ANKS1A: variants seen among roughly 807,000 people sequenced by gnomAD.
The protein encoded by ANKS1A is ankyrin repeat and sterile alpha motif domain containing 1A, also known as ankyrin repeat and SAM domain-containing protein 1A.
In ANKS1A, 55 loss-of-function variants were observed where a neutral mutation model predicts 120.3. The observed-to-expected ratio is 0.46, with a 90% confidence interval of 0.37 to 0.57. The LOEUF is 0.57. Ranked by LOEUF, ANKS1A falls within the 20% of genes least tolerant of loss-of-function variation. ANKS1A has a pLI of 0.00. For synonymous variants in ANKS1A, 590 were observed against 604.7 expected, an observed-to-expected ratio of 0.98 and a Z score of 0.36; for missense variants, 1,123 against 1,480.3, an observed-to-expected ratio of 0.76 and a Z score of 3.96.
chr6:34,925,933 G>T (rs1466944074), intron 1 of ANKS1A, among the ~76,000 whole-genome samples: 1 of 152,148 alleles, frequency 6.6e-6, no homozygotes, highest in East Asian at 1.9e-4. Flanking sequence ...AGAATTATCT[G>T]ACTAAAAATG....
intron 1 of ANKS1A, among the ~76,000 whole-genome samples, chr6:34,940,614 A>G (rs1437413377): frequency 1.3e-5 from 2 of 152,208 alleles, no homozygotes; most frequent in Admixed American, 6.5e-5. Context: ...CTAAGACAAA[A>G]GTATTATTTA....
chr6:35,080,061 C>T, intron 16 of ANKS1A, 133 bp downstream of exon 16: 1 of 1,026,700 alleles, frequency 9.7e-7, no homozygotes, highest in Non-Finnish European at 1.4e-6. Context: ...GAGAGGAGTA[C>T]AGGAGAGGAG....
chr6:34,914,349 A>G (rs1351013001), intron 1 of ANKS1A, among the ~76,000 whole-genome samples: 1 of 136,444 alleles, frequency 7.3e-6, no homozygotes. Context: ...AAAAATCATT[A>G]AAAACATTAG....
At position 34,982,698 on chromosome 6, in the gene ANKS1A, C is replaced by A; in HGVS notation, c.733-54C>A. On this transcript the variant is annotated intron_variant, in intron 4 of 23. Coordinates refer to ENST00000360359, the MANE Select transcript of ANKS1A (RefSeq NM_015245.3). This position sits in a 1 kb window ranked among gnomAD's most constrained non-coding sequence, Gnocchi z 4.9. ...TCTGTGTCCCCTTTGTCACGTGAAG[C>A]CGCACCAAACTGTTCTGATGACATC... The A allele has an allele frequency of 6.4e-7, 1 of 1,572,928 alleles. No homozygotes were observed. The highest frequency in any genetic ancestry group is 8.8e-7 in the Non-Finnish European group (1 of 1,142,616).
chr6:34,954,326 T>C (rs1210462866), intron 1 of ANKS1A, among the ~76,000 whole-genome samples: 3 of 152,182 alleles, frequency 2.0e-5, no homozygotes, highest in African/African-American at 2.4e-5. Context: ...CAATTCGTCA[T>C]TGCTCTTGGG....
At chr6:34,941,145 G>A (rs1436433029) in intron 1 of ANKS1A, among the ~76,000 whole-genome samples, 3 of 151,802 alleles carry the variant, frequency 2.0e-5, no homozygotes, top group Middle Eastern at 6.9e-3. Context: ...GTGCCACCAC[G>A]CCCGGCTAAT....
chr6:34,956,524 A>C (rs1265306549), intron 1 of ANKS1A, among the ~76,000 whole-genome samples: 1 of 152,142 alleles, frequency 6.6e-6, no homozygotes, highest in African/African-American at 2.4e-5. Context: ...TTAATATTAT[A>C]TAGGGTTATG....
At chr6:35,077,207 A>C (rs540661518) in intron 13 of ANKS1A, among the ~76,000 whole-genome samples, 1 of 152,316 alleles carries the variant, frequency 6.6e-6, no homozygotes, top group South Asian at 2.1e-4. Context: ...AGTAAGCAGA[A>C]ACCCTTCCTC....
At chr6:34,921,832 G>T (rs760921169) in intron 1 of ANKS1A, among the ~76,000 whole-genome samples, 8 of 152,138 alleles carry the variant, frequency 5.3e-5, no homozygotes, top group South Asian at 4.1e-4. Flanking sequence ...GAGTAGCTAG[G>T]ACTGAGGTGC....
chr6:34,984,078 GC>G (rs1772056882), intron 7 of ANKS1A, among the ~76,000 whole-genome samples: 1 of 152,184 alleles, frequency 6.6e-6, no homozygotes, highest in African/African-American at 2.4e-5. Context: ...ACAGGCGTGA[GC>G]CACCGTTCCC....
At chr6:35,004,703 C>G (rs1039340548) in intron 10 of ANKS1A, among the ~76,000 whole-genome samples, 1 of 151,802 alleles carries the variant, frequency 6.6e-6, no homozygotes, top group East Asian at 1.9e-4. Flanking sequence ...TTACTTGAAG[C>G]CAGGGGTTCA....
At chr6:35,015,974 G>A (rs980257517) in intron 10 of ANKS1A, among the ~76,000 whole-genome samples, 1 of 152,220 alleles carries the variant, frequency 6.6e-6, no homozygotes, top group African/African-American at 2.4e-5. Flanking sequence ...TGTGTAGACA[G>A]CAACAGGAGA....
rs369154363 is a variant in ANKS1A, at chr6:35,058,078, C to T, written c.2078-2069C>T. 1.7e-4 allele frequency among the ~76,000 whole-genome samples: 26 copies of T among 152,350 alleles called. No individual in the cohort carries two copies. In the East Asian group the frequency reaches 4.2e-3, roughly 25 times the overall value. ...TGCTAGTGCTGCTGTCTCCTTCTCC[C>T]TCAGCAGCCACAGCAGCAGTTGCTT... On this transcript the variant is annotated intron_variant, in intron 12 of 23. Transcript: ENST00000360359. The surrounding 1 kb of genome is among the most constrained non-coding windows in gnomAD (Gnocchi z 5.1).
intron 1 of ANKS1A, among the ~76,000 whole-genome samples, chr6:34,946,240 C>G (rs148307778): frequency 0.038 from 5,829 of 151,934 alleles, 176 homozygotes; most frequent in African/African-American, 0.089. Context: ...CTTGGACTCC[C>G]AAAGTGCTGG....
At chr6:35,056,989 T>C (rs1426533924) in intron 12 of ANKS1A, among the ~76,000 whole-genome samples, 2 of 151,960 alleles carry the variant, frequency 1.3e-5, no homozygotes, top group Non-Finnish European at 2.9e-5. Context: ...AGATTGTCCT[T>C]GGGTTGGGCG....
At chr6:34,950,417 C>CG (rs1308884835) in intron 1 of ANKS1A, among the ~76,000 whole-genome samples, 1 of 151,786 alleles carries the variant, frequency 6.6e-6, no homozygotes, top group Non-Finnish European at 1.5e-5. Flanking sequence ...TTAGTAGAGA[C>CG]GGGGTTTCAC....
At chr6:35,002,460 C>T (rs1561905026) in intron 10 of ANKS1A, among the ~76,000 whole-genome samples, 1 of 152,150 alleles carries the variant, frequency 6.6e-6, no homozygotes, top group Non-Finnish European at 1.5e-5. Flanking sequence ...ACTGACCTTC[C>T]TCAGACGAAG....
chr6:35,097,203 A>G, the ANKS1A span, among the ~76,000 whole-genome samples: 2 of 152,088 alleles, frequency 1.3e-5, no homozygotes, highest in African/African-American at 4.8e-5. Context: ...GTCTACAAGA[A>G]AAAGAACTAG....
chr6:34,961,509 A>G (rs1581753597), intron 1 of ANKS1A, among the ~76,000 whole-genome samples: 1 of 152,188 alleles, frequency 6.6e-6, no homozygotes, highest in South Asian at 2.1e-4. Context: ...CAGTGAAGTC[A>G]CTATCTTTTT....
Sources: gnomAD v4.1 joint callset for allele counts (sites outside exome capture counted in the v4.1 genomes callset) on GRCh38, gnomAD v4.1.1 for gene constraint, Gnocchi (gnomAD v3.1) non-coding constraint, MANE v1.5 for transcripts, NCBI Gene and HGNC (gene_info 2026-07-23, HGNC 2026-07-21) for gene names.